CCDC7: variants seen among roughly 807,000 people sequenced by gnomAD.
CCDC7 encodes coiled-coil domain-containing protein 7.
Under a neutral mutation model 196.9 loss-of-function variants are expected in CCDC7, and 183 were observed. The ratio of observed to expected loss-of-function variants is 0.93; its 90% CI spans 0.82 to 1.05. The LOEUF is 1.05. CCDC7 is among the 50% of genes least tolerant of loss of function. The pLI is 0.00. For synonymous variants in CCDC7, 525 were observed against 484.6 expected (o/e 1.08, Z -1.10); for missense variants, 1,540 against 1,482.2 (o/e 1.04, Z -0.64).
chr10:32,805,051 G>A, exon 30 of CCDC7: 9 of 1,612,460 alleles, frequency 5.6e-6, no homozygotes, highest in Non-Finnish European at 7.6e-6. Flanking sequence ...GCTTTGGGAA[G>A]ACGCTTATTA....
chr10:32,598,303 T>G (rs2060629013), intron 18 of CCDC7, among the ~76,000 whole-genome samples: 1 of 152,148 alleles, frequency 6.6e-6, no homozygotes, highest in South Asian at 2.1e-4. Context: ...ACCCTCCGAG[T>G]CAGGCACGGG....
chr10:32,760,598 G>A (rs1435769046), intron 28 of CCDC7, among the ~76,000 whole-genome samples: 3 of 152,062 alleles, frequency 2.0e-5, no homozygotes, highest in African/African-American at 4.8e-5. Flanking sequence ...CCTGTTGTGG[G>A]GTGGGAGGAT....
At chr10:32,669,805 T>TTTG (rs944111594) in intron 21 of CCDC7, among the ~76,000 whole-genome samples, 3 of 152,188 alleles carry the variant, frequency 2.0e-5, no homozygotes, top group Non-Finnish European at 1.5e-5. Context: ...CTTTTCTTTT[T>TTTG]TTGTTGTTGT....
chr10:32,445,554 T>C (rs1287738804), upstream of CCDC7, among the ~76,000 whole-genome samples: 4 of 152,204 alleles, frequency 2.6e-5, no homozygotes, highest in African/African-American at 9.6e-5. Flanking sequence ...TTTTACTTCG[T>C]TCAACTTAAA....
At chr10:32,757,655 G>C (rs572335066) in intron 28 of CCDC7, among the ~76,000 whole-genome samples, 1 of 152,304 alleles carries the variant, frequency 6.6e-6, no homozygotes, top group East Asian at 1.9e-4. Flanking sequence ...AAGGAGGAAA[G>C]ATCTAAAATT....
intron 25 of CCDC7, among the ~76,000 whole-genome samples, chr10:32,716,910 G>T (rs942174495): frequency 3.3e-5 from 5 of 152,136 alleles, no homozygotes; most frequent in Non-Finnish European, 7.3e-5. Flanking sequence ...CGTTCTTAGA[G>T]ACTTAGACTC....
At chr10:32,666,456 C>T (rs879371106) in intron 21 of CCDC7, among the ~76,000 whole-genome samples, 6 of 151,940 alleles carry the variant, frequency 3.9e-5, no homozygotes, top group East Asian at 3.9e-4. Context: ...ATACATGTGC[C>T]GTGTTGGTGT....
At chr10:32,527,423 T>C (rs572009336) in intron 11 of CCDC7, among the ~76,000 whole-genome samples, 1 of 152,296 alleles carries the variant, frequency 6.6e-6, no homozygotes, top group East Asian at 1.9e-4. Flanking sequence ...CTTTCCTGTG[T>C]GTAGATAGTT....
chr10:32,550,270 A>G (rs2053248820), intron 13 of CCDC7, among the ~76,000 whole-genome samples: 1 of 152,074 alleles, frequency 6.6e-6, no homozygotes, highest in African/African-American at 2.4e-5. Flanking sequence ...TTGTATCCAG[A>G]AACTTTGCTG....
At chr10:32,587,824 C>T (rs1245811265) in intron 18 of CCDC7, among the ~76,000 whole-genome samples, 1 of 152,126 alleles carries the variant, frequency 6.6e-6, no homozygotes, top group East Asian at 1.9e-4. Context: ...TGGACATCCT[C>T]ATTTTTTCCT....
chr10:32,574,834 A>G (rs1353850160), intron 16 of CCDC7, among the ~76,000 whole-genome samples: 1 of 152,216 alleles, frequency 6.6e-6, no homozygotes, highest in Non-Finnish European at 1.5e-5. Flanking sequence ...GCACGAAAAC[A>G]TACAAGAGAA....
Position 32,707,314 on chromosome 10 carries a change from C to T in CCDC7, c.2459-4306C>T, listed in dbSNP as rs184364614. Among the ~76,000 whole-genome samples the T allele has an allele frequency of 1.7e-3, 263 of 152,220 alleles. 2 individuals are homozygous for T. Among genetic ancestry groups the T allele is most frequent in the African/African-American group, 6.0e-3 (250 of 41,540 alleles). ...CTCAATAAATTAGGTACTGATGGGA[C>T]GTATCTCAAAATAGTAAGAGCTCTC... On this transcript the variant is annotated intron_variant, in intron 24 of 41. Coordinates refer to ENST00000639629, the Ensembl canonical transcript of CCDC7.
At chr10:32,489,213 A>G (rs2041778104) in intron 8 of CCDC7, among the ~76,000 whole-genome samples, 1 of 152,164 alleles carries the variant, frequency 6.6e-6, no homozygotes, top group Non-Finnish European at 1.5e-5. Context: ...ATGGATTGAC[A>G]GTGGCTTTGG....
chr10:32,671,582 C>T (rs1204515490), intron 21 of CCDC7, among the ~76,000 whole-genome samples: 1 of 152,150 alleles, frequency 6.6e-6, no homozygotes, highest in African/African-American at 2.4e-5. Flanking sequence ...CTTATATCTG[C>T]ATTTCTTTGG....
intron 21 of CCDC7, among the ~76,000 whole-genome samples, chr10:32,673,567 G>A (rs1003515072): frequency 3.3e-5 from 5 of 151,436 alleles, no homozygotes; most frequent in East Asian, 3.9e-4. Flanking sequence ...ATAGTTCGTT[G>A]TTAGTATATT....
intron 24 of CCDC7, 58 bp from the exon 26 acceptor site, chr10:32,711,562 A>C: frequency 9.5e-7 from 1 of 1,049,528 alleles, no homozygotes; most frequent in Middle Eastern, 2.1e-4. Flanking sequence ...TTTGAACTCT[A>C]GGATTTCATA....
intron 25 of CCDC7, among the ~76,000 whole-genome samples, chr10:32,714,810 G>A (rs1001443017): frequency 1.7e-4 from 26 of 152,090 alleles, no homozygotes; most frequent in Admixed American, 1.5e-3. Flanking sequence ...AACCCACCAC[G>A]GCGCAGCAAA....
At chr10:32,542,047 C>T (rs2051532531) in intron 11 of CCDC7, among the ~76,000 whole-genome samples, 1 of 152,174 alleles carries the variant, frequency 6.6e-6, no homozygotes, top group Non-Finnish European at 1.5e-5. Flanking sequence ...GGTCAATGTT[C>T]ACTAGCCCCT....
chr10:32,709,538 A>T (rs11009046), intron 24 of CCDC7, among the ~76,000 whole-genome samples: 21,055 of 152,196 alleles, frequency 0.14, 1,759 homozygotes, highest in East Asian at 0.25. Context: ...TGCAGTTTAC[A>T]ATAGGGTTTG....
Sources: gnomAD v4.1 joint callset for allele counts (sites outside exome capture counted in the v4.1 genomes callset) on GRCh38, gnomAD v4.1.1 for gene constraint, MANE v1.5 for transcripts, NCBI Gene and HGNC (gene_info 2026-07-23, HGNC 2026-07-21) for gene names.